GNPNAT1: variants seen among roughly 807,000 people sequenced by gnomAD.
GNPNAT1 encodes glucosamine 6-phosphate N-acetyltransferase.
Under a neutral mutation model 19.8 loss-of-function variants are expected in GNPNAT1, and 11 were observed. That is an observed-to-expected ratio of 0.56 (90% CI 0.35 to 0.92). GNPNAT1 has a LOEUF of 0.92. GNPNAT1 is among the 40% of genes least tolerant of loss of function. The pLI, the probability that GNPNAT1 is intolerant of heterozygous loss-of-function variation, is 0.01. For synonymous variants in GNPNAT1, 71 were observed against 72.3 expected (o/e 0.98, Z 0.09); for missense variants, 157 against 211.0 (o/e 0.74, Z 1.59).
At chr14:52,785,196 G>A (rs1358203767) in intron 1 of GNPNAT1, among the ~76,000 whole-genome samples, 1 of 151,806 alleles carries the variant, frequency 6.6e-6, no homozygotes, top group East Asian at 2.0e-4. Context: ...CCAAAGTGCT[G>A]GGATTACAGG....
In GNPNAT1 at chr14:52,783,488, A is replaced by G; in HGVS notation, c.155-3T>C. 6.2e-7 allele frequency: 1 copy of G among 1,602,250 alleles called. No homozygotes were observed. On this transcript the variant is annotated splice_region_variant and splice_polypyrimidine_tract_variant and intron_variant, in intron 2 of 5. Transcript: ENST00000216410. ...CTGACCCAATACCTTAAAAAAACCT[A>G]GTTTTGAAAAACAGATTTCAAATTA... is the stretch of plus-strand genomic sequence containing the variant.
rs1882780216 is a variant in GNPNAT1, at chr14:52,778,028, G to T, written c.*283C>A. ...ATACTCTTGACTACCAAGAAAGGAA[G>T]CCAAACTTTTAGAAAAATACAATGC... is the stretch of plus-strand genomic sequence containing the variant. On this transcript the variant is annotated 3_prime_UTR_variant, in exon 6 of 6. Transcript: ENST00000216410. 5.0e-6 allele frequency: 1 copy of T among 199,598 alleles called. No homozygotes were observed. The highest frequency in any genetic ancestry group is 1.0e-5 in the Non-Finnish European group (1 of 100,404). The allele number at this position is 199,598 out of a possible 1,614,324, so 12.4% of individuals were successfully genotyped here. A position where few individuals can be genotyped will look rare whatever the true frequency, so the allele number is the denominator to read the frequency against.
intron 1 of GNPNAT1, among the ~76,000 whole-genome samples, chr14:52,785,624 G>A (rs1276758059): frequency 1.3e-5 from 2 of 151,646 alleles, no homozygotes; most frequent in African/African-American, 2.4e-5. Context: ...TCGGGAGGCT[G>A]AGGCAGGAGA....
At chr14:52,789,914 C>G (rs1291151809) in intron 1 of GNPNAT1, among the ~76,000 whole-genome samples, 2 of 151,026 alleles carry the variant, frequency 1.3e-5, no homozygotes, top group African/African-American at 4.9e-5. Flanking sequence ...CTAACCCTAG[C>G]CCAATAATGC....
At chr14:52,779,441 T>C (rs1882825403) in intron 5 of GNPNAT1, among the ~76,000 whole-genome samples, 2 of 152,058 alleles carry the variant, frequency 1.3e-5, no homozygotes, top group African/African-American at 4.8e-5. Flanking sequence ...AGACCTTGAC[T>C]GAAGTATGCC....
rs953339583 is a variant in GNPNAT1 at position 52,791,062 on chromosome 14, T to G, written c.-15+366A>C. Among the ~76,000 whole-genome samples the G allele has an allele frequency of 2.0e-5, 3 of 152,056 alleles. No homozygotes were observed. Among genetic ancestry groups the G allele is most frequent in the Non-Finnish European group, 4.4e-5 (3 of 68,002 alleles). ...AAGGGGCCTGGGACGTTCGTGCCCA[T>G]TCAAAACCGATGGCTGCAGAGAGCG... On this transcript the variant is annotated intron_variant, in intron 1 of 5. Transcript: ENST00000216410. The surrounding 1 kb of genome is among the most constrained non-coding windows in gnomAD (Gnocchi z 4.1).
intron 4 of GNPNAT1, 121 bp from the exon 5 acceptor site, chr14:52,780,861 C>T: frequency 5.0e-6 from 3 of 604,758 alleles, no homozygotes; most frequent in South Asian, 4.8e-5. Flanking sequence ...TAACAGAAAT[C>T]AAATGCAAAA....
chr14:52,789,366 G>A (rs1455408900), intron 1 of GNPNAT1, among the ~76,000 whole-genome samples: 1 of 152,154 alleles, frequency 6.6e-6, no homozygotes, highest in African/African-American at 2.4e-5. Context: ...TGTTGTACAA[G>A]GGTTAAAAAT....
intron 1 of GNPNAT1, among the ~76,000 whole-genome samples, chr14:52,785,032 T>A (rs1203533755): frequency 6.6e-6 from 1 of 151,780 alleles, no homozygotes; most frequent in Non-Finnish European, 1.5e-5. Flanking sequence ...TTCAAGTGAT[T>A]CTCCTCTTTC....
intron 1 of GNPNAT1, chr14:52,787,732 C>A (rs1883055692): frequency 6.6e-6 from 1 of 152,088 alleles, no homozygotes; most frequent in Non-Finnish European, 1.5e-5. Flanking sequence ...CAGTCATGCA[C>A]TTAGCAGTGC....
chr14:52,778,596 C>A, intron 5 of GNPNAT1, 138 bp from the exon 6 acceptor site: 1 of 685,612 alleles, frequency 1.5e-6, no homozygotes, highest in Non-Finnish European at 2.4e-6. Flanking sequence ...CCACTGCATT[C>A]ATGTAAGTTG....
At chr14:52,785,224 G>A (rs1361257853) in intron 1 of GNPNAT1, among the ~76,000 whole-genome samples, 1 of 151,824 alleles carries the variant, frequency 6.6e-6, no homozygotes, top group African/African-American at 2.4e-5. Context: ...CACTGCGCCC[G>A]GCTATTATCA....
At chr14:52,781,687 C>G in intron 4 of GNPNAT1, 97 bp downstream of exon 4, 1 of 1,080,588 alleles carries the variant, frequency 9.3e-7, no homozygotes. Context: ...TTCTAAGAGG[C>G]ACTGAAAATC....
At position 52,781,924 on chromosome 14, in the gene GNPNAT1, G is replaced by A. The variant is rs1000696964; in HGVS notation, c.218-13C>T. 8.1e-6 allele frequency: 13 copies of A among 1,597,672 alleles called. No homozygotes were observed. The highest frequency in any genetic ancestry group is 3.4e-5 in the South Asian group (3 of 87,678). Reference sequence around the variant, plus strand: ...TGCTCAAAAGATTCTGTGGAAATTGGATAACAAAGTGTTACATAGTAGACA... The same window carrying A: ...TGCTCAAAAGATTCTGTGGAAATTGAATAACAAAGTGTTACATAGTAGACA... On this transcript the variant is annotated splice_polypyrimidine_tract_variant and intron_variant, in intron 3 of 5. Coordinates refer to ENST00000216410, the MANE Select transcript of GNPNAT1 (RefSeq NM_198066.4).
At position 52,791,515 on chromosome 14, in the gene GNPNAT1, T is replaced by TCAGCGCCAGCCCCACCTC. The variant is rs956889817; in HGVS notation, c.-120_-103dup. 2 of 152,710 alleles carry TCAGCGCCAGCCCCACCTC rather than the reference T, an allele frequency of 1.3e-5. No individual in the cohort carries two copies. Among genetic ancestry groups the TCAGCGCCAGCCCCACCTC allele is most frequent in the African/African-American group, 4.8e-5 (2 of 41,572 alleles). 9.5% of individuals were successfully genotyped at this position (152,710 alleles called of 1,614,324 possible). The stretch of plus-strand genomic sequence containing the variant: ...CACAGCACCGGATCCGGATCCGGCT[T>TCAGCGCCAGCCCCACCTC]CAGCGCCAGCCCCACCTCCTCCTCC... On this transcript the variant is annotated 5_prime_UTR_variant, in exon 1 of 6. Transcript: ENST00000216410. This position sits in a 1 kb window ranked among gnomAD's most constrained non-coding sequence, Gnocchi z 4.1.
intron 5 of GNPNAT1, among the ~76,000 whole-genome samples, chr14:52,779,483 C>T (rs1397674385): frequency 1.3e-5 from 2 of 152,112 alleles, no homozygotes; most frequent in African/African-American, 2.4e-5. Flanking sequence ...GCCTGTAATT[C>T]CAGCACTTTA....
At chr14:52,781,652 C>T in intron 4 of GNPNAT1, 132 bp downstream of exon 4, 1 of 807,916 alleles carries the variant, frequency 1.2e-6, no homozygotes, top group Non-Finnish European at 1.9e-6. Context: ...TCTTAAAGCT[C>T]TCAGAACACA....
At chr14:52,783,393 A>T in intron 3 of GNPNAT1, 30 bp downstream of exon 3, 1 of 1,454,780 alleles carries the variant, frequency 6.9e-7, no homozygotes, top group Non-Finnish European at 9.6e-7. Flanking sequence ...GTTTCCCTTT[A>T]TTTCAGGAAA....
intron 1 of GNPNAT1, among the ~76,000 whole-genome samples, chr14:52,786,508 AAAATT>A (rs913858077): frequency 2.0e-5 from 3 of 152,100 alleles, no homozygotes; most frequent in Non-Finnish European, 2.9e-5. Context: ...CCGTCTCAAA[AAAATT>A]AAATTAAAAT....
Sources: gnomAD v4.1 joint callset for allele counts (sites outside exome capture counted in the v4.1 genomes callset) on GRCh38, gnomAD v4.1.1 for gene constraint, Gnocchi (gnomAD v3.1) non-coding constraint, MANE v1.5 for transcripts, NCBI Gene and HGNC (gene_info 2026-07-23, HGNC 2026-07-21) for gene names.